LDLRAD3: variants seen among roughly 807,000 people sequenced by gnomAD.
The protein encoded by LDLRAD3 is low-density lipoprotein receptor class A domain-containing protein 3.
In LDLRAD3, 20 loss-of-function variants were observed where a neutral mutation model predicts 29.4. That is an observed-to-expected ratio of 0.68 (90% CI 0.48 to 0.99). The LOEUF (loss-of-function observed/expected upper bound fraction) is 0.99, where lower values mean the gene tolerates loss of function less well. Among genes scored for constraint, LDLRAD3 ranks in the 50% least tolerant of loss-of-function variants. The pLI is 0.00. For missense variants in LDLRAD3, 420 were observed against 454.3 expected (o/e 0.92, Z 0.69); for synonymous variants, 157 against 192.7 (o/e 0.81, Z 1.53).
chr11:36,197,873 C>T (rs1855057921), intron 4 of LDLRAD3: 1 of 147,186 alleles, frequency 6.8e-6, no homozygotes. Context: ...AGAGCAAGTC[C>T]CCATGTCTTA....
Position 36,157,044 on chromosome 11 carries a change from CT to C in LDLRAD3, c.454+58584del, listed in dbSNP as rs1854363745. Reference sequence around the variant, plus strand: ...GAGAGGATGGGAAACAGCGTAAGGGCTGTAATTTTCAGCCTGGAATAGAAGC... The same window carrying C: ...GAGAGGATGGGAAACAGCGTAAGGGCGTAATTTTCAGCCTGGAATAGAAGC... On this transcript the variant is annotated intron_variant, in intron 4 of 5. Coordinates refer to ENST00000315571, the MANE Select transcript of LDLRAD3 (RefSeq NM_174902.4). 3.9e-5 allele frequency among the ~76,000 whole-genome samples: 6 copies of C among 152,274 alleles called. No individual in the cohort carries two copies. The South Asian group carries it at 1.0e-3, about 26-fold the overall frequency.
At chr11:36,149,146 A>T (rs938380523) in intron 4 of LDLRAD3, among the ~76,000 whole-genome samples, 3 of 152,208 alleles carry the variant, frequency 2.0e-5, no homozygotes, top group African/African-American at 7.2e-5. Flanking sequence ...GTAGCAGAAA[A>T]GGGGAGCTTT....
intron 4 of LDLRAD3, among the ~76,000 whole-genome samples, chr11:36,122,472 A>G (rs1336537398): frequency 2.0e-5 from 3 of 152,210 alleles, no homozygotes; most frequent in Non-Finnish European, 4.4e-5. Context: ...TAACGTTGGT[A>G]AAGAGCTTAG....
At chr11:36,136,294 G>C (rs1854003290) in intron 4 of LDLRAD3, among the ~76,000 whole-genome samples, 1 of 152,194 alleles carries the variant, frequency 6.6e-6, no homozygotes, top group Non-Finnish European at 1.5e-5. Context: ...CCACAAGGTA[G>C]ATCCTGTTTT....
intron 1 of LDLRAD3, among the ~76,000 whole-genome samples, chr11:36,000,748 C>T (rs113754391): frequency 0.016 from 2,443 of 152,008 alleles, 62 homozygotes; most frequent in African/African-American, 0.054. Context: ...CAAGCTGGGG[C>T]GCGTGACATG....
chr11:36,022,112 G>A (rs754164232), intron 1 of LDLRAD3, among the ~76,000 whole-genome samples: 11 of 152,162 alleles, frequency 7.2e-5, no homozygotes, highest in Non-Finnish European at 8.8e-5. Context: ...CTGAAAAATC[G>A]TTTCCTAATA....
chr11:35,973,055 A>C (rs78650423), intron 1 of LDLRAD3, among the ~76,000 whole-genome samples: 1 of 141,172 alleles, frequency 7.1e-6, no homozygotes, highest in African/African-American at 2.6e-5. Flanking sequence ...TCCATCTCAA[A>C]AAAAAAAAAA....
rs143784368 is a variant in LDLRAD3 at position 36,035,696 on chromosome 11, G to A, written c.47-407G>A. Among the ~76,000 whole-genome samples, 10 of 152,318 alleles carry A rather than the reference G, an allele frequency of 6.6e-5. No individual in the cohort carries two copies. The East Asian group carries it at 1.7e-3, about 26-fold the overall frequency. On this transcript the variant is annotated intron_variant, in intron 1 of 5. Coordinates refer to ENST00000315571, the MANE Select transcript of LDLRAD3 (RefSeq NM_174902.4). The stretch of plus-strand genomic sequence containing the variant: ...TGTGATTGTAAGGGCTACAGAGTGT[G>A]AGGCCTGGAAAGATCTTGCAGTTCC...
chr11:36,041,669 G>A (rs1015832463), intron 2 of LDLRAD3, among the ~76,000 whole-genome samples: 1 of 152,160 alleles, frequency 6.6e-6, no homozygotes, highest in African/African-American at 2.4e-5. Context: ...AGGGGACCAG[G>A]GGTCAAGAGC....
At chr11:36,042,157 T>G (rs1198585591) in intron 2 of LDLRAD3, among the ~76,000 whole-genome samples, 3 of 152,072 alleles carry the variant, frequency 2.0e-5, no homozygotes, top group Admixed American at 2.0e-4. Flanking sequence ...CTCCATACTC[T>G]TCCTCTTTTC....
intron 2 of LDLRAD3, among the ~76,000 whole-genome samples, chr11:36,054,847 G>A (rs1852586431): frequency 6.7e-6 from 1 of 149,340 alleles, no homozygotes. Context: ...ATGAATGGAT[G>A]GATGGATGGA....
chr11:36,082,878 C>G (rs1327496869), intron 3 of LDLRAD3, among the ~76,000 whole-genome samples: 4 of 152,224 alleles, frequency 2.6e-5, no homozygotes, highest in Non-Finnish European at 5.9e-5. Flanking sequence ...TTGCTTCATA[C>G]CTGCCACTGG....
chr11:36,154,074 C>T lies in LDLRAD3; in HGVS notation c.454+55613C>T, dbSNP rs548209383. 1.2e-4 allele frequency among the ~76,000 whole-genome samples: 18 copies of T among 152,222 alleles called. No individual in the cohort carries two copies. The South Asian group carries it at 2.7e-3, about 23-fold the overall frequency. ...AGTTGTGTCTCAACCACTGAGTTGTCCCAGAGACTTTGGCATAAACTGCTT... is the reference window on the plus strand; with the variant it reads ...AGTTGTGTCTCAACCACTGAGTTGTTCCAGAGACTTTGGCATAAACTGCTT... On this transcript the variant is annotated intron_variant, in intron 4 of 5. Coordinates refer to ENST00000315571, the MANE Select transcript of LDLRAD3 (RefSeq NM_174902.4).
intron 3 of LDLRAD3, among the ~76,000 whole-genome samples, chr11:36,095,883 A>G (rs1462042642): frequency 1.3e-5 from 2 of 152,176 alleles, no homozygotes; most frequent in South Asian, 2.1e-4. Context: ...GTCCTAGAGA[A>G]GCTGAAGGCC....
chr11:36,064,350 A>G (rs1188214682), intron 2 of LDLRAD3, among the ~76,000 whole-genome samples: 1 of 152,040 alleles, frequency 6.6e-6, no homozygotes, highest in Non-Finnish European at 1.5e-5. Context: ...TGCCCAGGCT[A>G]GAGTGCAGGA....
intron 4 of LDLRAD3, among the ~76,000 whole-genome samples, chr11:36,187,485 C>A (rs1854868883): frequency 6.6e-6 from 1 of 152,114 alleles, no homozygotes; most frequent in African/African-American, 2.4e-5. Flanking sequence ...AGCACTGCCA[C>A]CCCATTCTTT....
At position 36,223,598 on chromosome 11, in the gene LDLRAD3, G is replaced by A. The variant is rs192554071; in HGVS notation, c.455-3487G>A. ...GCAAACATTAGCTAGGTTGTGTGAC[G>A]CACCCTTGTAGTCCCAGCCACTGAG... On this transcript the variant is annotated intron_variant, in intron 4 of 5. Coordinates refer to ENST00000315571, the MANE Select transcript of LDLRAD3 (RefSeq NM_174902.4). 7.2e-5 allele frequency among the ~76,000 whole-genome samples: 11 copies of A among 152,114 alleles called. No homozygotes were observed. In the East Asian group the frequency reaches 9.7e-4, roughly 13 times the overall value.
chr11:35,985,302 C>T (rs1006813768), intron 1 of LDLRAD3, among the ~76,000 whole-genome samples: 3 of 152,246 alleles, frequency 2.0e-5, no homozygotes, highest in South Asian at 4.2e-4. Flanking sequence ...TATTGCATGT[C>T]TCTCTTGGAG....
intron 3 of LDLRAD3, among the ~76,000 whole-genome samples, chr11:36,083,775 CA>C (rs1565210962): frequency 0.15 from 19,041 of 124,946 alleles, 1,379 homozygotes; most frequent in Admixed American, 0.23. Context: ...CACACACACA[CA>C]CACACCCCAG....
Sources: allele counts gnomAD v4.1 joint callset (sites outside exome capture counted in the v4.1 genomes callset), GRCh38; gene constraint gnomAD v4.1.1; transcripts MANE v1.5; gene names NCBI Gene and HGNC (gene_info 2026-07-23, HGNC 2026-07-21).